The following LINGO2 variants were observed in gnomAD, a reference collection of about 807,000 sequenced individuals.
The protein encoded by LINGO2 is leucine rich repeat and Ig domain containing 2.
Under a neutral mutation model 30.6 loss-of-function variants are expected in LINGO2, and 14 were observed. The observed-to-expected ratio is 0.46, with a 90% CI of 0.30 to 0.72. The LOEUF is 0.72. Ranked by LOEUF, LINGO2 falls within the 30% of genes least tolerant of loss-of-function variation. The pLI is 0.07. For missense variants in LINGO2, 729 were observed against 751.7 expected (o/e 0.97, Z 0.35); for synonymous variants, 317 against 288.5 (o/e 1.10, Z -1.00).
chr9:28,108,966 C>A (rs773533380), intron 4 of LINGO2, among the ~76,000 whole-genome samples: 11 of 152,086 alleles, frequency 7.2e-5, no homozygotes, highest in Non-Finnish European at 1.5e-4. Flanking sequence ...AAAAGGAAAA[C>A]CCTGATGAAC....
the LINGO2 span, among the ~76,000 whole-genome samples, chr9:28,699,996 C>T: frequency 6.6e-6 from 1 of 152,000 alleles, no homozygotes; most frequent in South Asian, 2.1e-4. Context: ...TGATTTTGCC[C>T]TGGCCCTGTT....
chr9:28,481,353 A>C (rs1028715842), intron 1 of LINGO2, among the ~76,000 whole-genome samples: 2 of 152,126 alleles, frequency 1.3e-5, no homozygotes, highest in African/African-American at 4.8e-5. Context: ...AATAGTAGTA[A>C]CCAGGCCTTC....
chr9:29,129,995 GC>G, the LINGO2 span, among the ~76,000 whole-genome samples: 2 of 152,090 alleles, frequency 1.3e-5, no homozygotes, highest in African/African-American at 2.4e-5. Context: ...TTGGTAAAAA[GC>G]ATAGGAATGT....
the LINGO2 span, among the ~76,000 whole-genome samples, chr9:28,841,260 TCTA>T: frequency 6.6e-6 from 1 of 151,734 alleles, no homozygotes. Context: ...ATATCCAGTA[TCTA>T]CTCATGGCTG....
At chr9:28,436,535 G>GT (rs1280549373) in intron 2 of LINGO2, among the ~76,000 whole-genome samples, 1 of 151,954 alleles carries the variant, frequency 6.6e-6, no homozygotes. Context: ...TCGGCTCACT[G>GT]TAAGCTCCGC....
At chr9:28,638,855 C>A (rs1827423606) in intron 1 of LINGO2, among the ~76,000 whole-genome samples, 1 of 152,094 alleles carries the variant, frequency 6.6e-6, no homozygotes, top group Admixed American at 6.6e-5. Flanking sequence ...TTCTTGCCTT[C>A]TGCTAGCTTT....
At chr9:29,184,334 C>A in the LINGO2 span, among the ~76,000 whole-genome samples, 4 of 151,944 alleles carry the variant, frequency 2.6e-5, no homozygotes, top group African/African-American at 9.7e-5. Context: ...CATATTGACT[C>A]TCAGGGAGTG....
chr9:28,708,138 C>A, the LINGO2 span, among the ~76,000 whole-genome samples: 3 of 151,844 alleles, frequency 2.0e-5, no homozygotes, highest in Non-Finnish European at 4.4e-5. Flanking sequence ...TGTTATGTGA[C>A]AATAAGAATA....
chr9:28,145,651 C>T (rs972382207), intron 4 of LINGO2, among the ~76,000 whole-genome samples: 3 of 152,010 alleles, frequency 2.0e-5, no homozygotes, highest in African/African-American at 7.2e-5. Context: ...TTCTCTCCCT[C>T]CCTCACTTCT....
chr9:29,182,067 G>C, the LINGO2 span, among the ~76,000 whole-genome samples: 1 of 152,112 alleles, frequency 6.6e-6, no homozygotes, highest in African/African-American at 2.4e-5. Context: ...TTGTTATACA[G>C]AATATAGAAA....
rs181266629 is a variant in LINGO2, at chr9:27,963,935, G to T, written c.-35-13229C>A. ...ATCAATTTTAGTATGAGCAAGTCTG[G>T]AAAATCACCAGGGTTACCTAAGTTC... On this transcript the variant is annotated intron_variant, in intron 5 of 5. Transcript: ENST00000379992. Among the ~76,000 whole-genome samples, 686 of 152,122 alleles carry T rather than the reference G, an allele frequency of 4.5e-3. 8 individuals are homozygous for T. Among genetic ancestry groups the T allele is most frequent in the Admixed American group, 0.02 (305 of 15,264 alleles).
chr9:28,667,382 A>C (rs1016915385), intron 1 of LINGO2, among the ~76,000 whole-genome samples: 1 of 152,126 alleles, frequency 6.6e-6, no homozygotes, highest in Non-Finnish European at 1.5e-5. Context: ...ATTTACAGAG[A>C]GTCACCATCA....
At chr9:29,157,376 C>T in the LINGO2 span, among the ~76,000 whole-genome samples, 2 of 152,028 alleles carry the variant, frequency 1.3e-5, no homozygotes, top group African/African-American at 4.8e-5. Flanking sequence ...ATAGAGAATG[C>T]CAAGAACAAC....
chr9:28,488,018 A>T (rs1461882069), intron 1 of LINGO2, among the ~76,000 whole-genome samples: 1 of 152,208 alleles, frequency 6.6e-6, no homozygotes, highest in Non-Finnish European at 1.5e-5. Context: ...GCATGCTTTT[A>T]AAGTATAGCC....
chr9:28,380,689 A>G (rs1323755516), intron 2 of LINGO2, among the ~76,000 whole-genome samples: 1 of 152,088 alleles, frequency 6.6e-6, no homozygotes, highest in Admixed American at 6.6e-5. Flanking sequence ...AGGAAGCTAC[A>G]AAGTCTTTCT....
intron 4 of LINGO2, among the ~76,000 whole-genome samples, chr9:28,181,939 C>G (rs1299795146): frequency 6.6e-6 from 1 of 152,074 alleles, no homozygotes; most frequent in African/African-American, 2.4e-5. Context: ...CATTGACATT[C>G]TTCACAGAAT....
chr9:28,754,231 A>C, the LINGO2 span, among the ~76,000 whole-genome samples: 2 of 152,074 alleles, frequency 1.3e-5, no homozygotes, highest in African/African-American at 4.8e-5. Flanking sequence ...ACCTTCTTCC[A>C]GGGGGATATT....
chr9:28,390,765 T>C (rs965128956), intron 2 of LINGO2, among the ~76,000 whole-genome samples: 1 of 152,198 alleles, frequency 6.6e-6, no homozygotes, highest in Non-Finnish European at 1.5e-5. Context: ...CAAAGCAATT[T>C]GGTTTCTTCA....
At chr9:28,397,372 T>TAC (rs372603505) in intron 2 of LINGO2, among the ~76,000 whole-genome samples, 44,474 of 128,684 alleles carry the variant, frequency 0.35, 7,827 homozygotes, top group Non-Finnish European at 0.44. Flanking sequence ...TATATATATA[T>TAC]ACATATATAT....
Sources: allele counts gnomAD v4.1 joint callset (sites outside exome capture counted in the v4.1 genomes callset), GRCh38; gene constraint gnomAD v4.1.1; transcripts MANE v1.5; gene names NCBI Gene and HGNC (gene_info 2026-07-23, HGNC 2026-07-21).